The following CROCC variants were observed in gnomAD, a reference collection of about 807,000 sequenced individuals.
CROCC encodes ciliary rootlet coiled-coil, rootletin.
A neutral mutation model predicts 245.2 loss-of-function variants in CROCC; 180 were observed. The ratio of observed to expected loss-of-function variants is 0.73; its 90% confidence interval spans 0.65 to 0.83. The LOEUF (loss-of-function observed/expected upper bound fraction) is 0.83. Among genes scored for constraint, CROCC ranks in the 40% least tolerant of loss-of-function variants. The pLI, the probability that CROCC is intolerant of heterozygous loss-of-function variation, is 0.00. For synonymous variants in CROCC, 1,205 were observed against 1,241.6 expected (o/e 0.97, Z 0.62); for missense variants, 2,688 against 2,779.4 (o/e 0.97, Z 0.74).
chr1:16,967,210 G>A (rs2076432852), intron 30 of CROCC, among the ~76,000 whole-genome samples: 2 of 152,252 alleles, frequency 1.3e-5, no homozygotes, highest in South Asian at 2.1e-4. Flanking sequence ...TGGTACTCAG[G>A]GGGCCTCTGT....
rs774561655 is a variant in CROCC, at chr1:16,930,489, G to T, written c.744G>T (p.Ser248=). The T allele has an allele frequency of 2.5e-6, 4 of 1,612,378 alleles. No homozygotes were observed. The African/African-American group carries it at 4.0e-5, about 16-fold the overall frequency. ...GAGAACAGCTGGACCAGGCAGGCTC[G>T]GCCAACCAGGCTCTGAGTGAGGACA... ...MLREQLDQAG[S]ANQALSEDIR... is the part of the protein sequence containing the mutation. Residue 248 remains serine (S), a synonymous_variant, in exon 7 of 37, where the codon TCG becomes TCT. Coordinates refer to ENST00000375541, the MANE Select transcript of CROCC (RefSeq NM_014675.5).
At chr1:16,953,582 CCA>C (rs368736864) in intron 21 of CROCC, 101 bp downstream of exon 21, 213,118 of 1,148,712 alleles carry the variant, frequency 0.19, 20,907 homozygotes, top group African/African-American at 0.33. Context: ...CTGGGGCAGG[CCA>C]CTGCCCTCTT....
At position 16,946,788 on chromosome 1, in the gene CROCC, G is replaced by A; in HGVS notation, c.2311G>A (p.Gly771Ser). The A allele has an allele frequency of 6.4e-7, 1 of 1,552,052 alleles. No individual in the cohort carries two copies. The highest frequency in any genetic ancestry group is 1.7e-4 in the Middle Eastern group (1 of 5,990). ...QLEEEKSALQ[G>S]RQRQAEQEAT... The stretch of plus-strand genomic sequence containing the variant: ...GGAGGAAGAAAAGTCCGCCCTGCAG[G>A]GCCGGCAACGGCAGGCAGAGCAGGA... The change falls in exon 17 of 37, where the codon GGC becomes AGC. Residue 771 changes from glycine (G) to serine (S), a missense_variant. Physicochemically the swap from Gly to Ser is moderately conservative, Grantham distance 56 (BLOSUM62 0). This residue lies in a region of CROCC where 295 missense variants were observed against 241.7 expected (regional missense o/e 1.22). Coordinates refer to ENST00000375541, the MANE Select transcript of CROCC (RefSeq NM_014675.5).
rs1242266794 is a variant in CROCC at position 16,939,166 on chromosome 1, G to A, written c.1608+24G>A. 9.8e-6 allele frequency: 14 copies of A among 1,429,016 alleles called. No homozygotes were observed. In the South Asian group the frequency reaches 2.1e-4, roughly 21 times the overall value. The allele number at this position is 1,429,016 out of a possible 1,614,324, so 88.5% of individuals were successfully genotyped here. The stretch of plus-strand genomic sequence containing the variant: ...AGGTAGGAAGGGGCTTGAGCGTTCT[G>A]GGCGCAGCCAGAGGCCTGGGGGAGG... On this transcript the variant is annotated intron_variant, in intron 12 of 36. Transcript: ENST00000375541.
At chr1:16,931,247 C>T (rs1261757608) in intron 7 of CROCC, 44 bp from the exon 8 acceptor site, 33 of 1,547,776 alleles carry the variant, frequency 2.1e-5, no homozygotes, top group Non-Finnish European at 2.8e-5. Context: ...AGGGAGTAAA[C>T]CCGCTCTCAC....
intron 3 of CROCC, 94 bp from the exon 4 acceptor site, chr1:16,929,752 T>A (rs1378564284): frequency 9.0e-6 from 13 of 1,438,970 alleles, no homozygotes; most frequent in Non-Finnish European, 1.2e-5. Context: ...CTACAAGGCA[T>A]TGTGGGTCTG....
chr1:16,923,203 A>G (rs2100319583), intron 2 of CROCC, among the ~76,000 whole-genome samples: 1 of 152,340 alleles, frequency 6.6e-6, no homozygotes, highest in Admixed American at 6.5e-5. Flanking sequence ...CCACGTGGGC[A>G]GGAAGGCGGA....
intron 3 of CROCC, among the ~76,000 whole-genome samples, chr1:16,927,024 C>A (rs1346532239): frequency 1.3e-5 from 2 of 152,256 alleles, no homozygotes; most frequent in African/African-American, 4.8e-5. Flanking sequence ...ACGGCCTGAA[C>A]CCCTCTGTGT....
intron 17 of CROCC, among the ~76,000 whole-genome samples, chr1:16,947,863 G>T (rs571321598): frequency 2.6e-5 from 4 of 152,150 alleles, no homozygotes; most frequent in Non-Finnish European, 5.9e-5. Context: ...TTTCCAGACA[G>T]AGTCTTGCTC....
chr1:16,948,331 C>G lies in CROCC; in HGVS notation c.2515C>G (p.Leu839Val). 1 of 1,561,738 alleles carries G rather than the reference C, an allele frequency of 6.4e-7. No homozygotes were observed. Among genetic ancestry groups the G allele is most frequent in the Non-Finnish European group, 8.6e-7 (1 of 1,158,868 alleles). The change falls in exon 18 of 37, where the codon CTC becomes GTC. Residue 839 changes from leucine (L) to valine (V), a missense_variant and splice_region_variant. By Grantham distance (32) the Leu-to-Val change is conservative. Around this residue, in one of 9 missense-constraint regions of CROCC, gnomAD observed 295 missense variants for 241.7 expected, o/e 1.22. Coordinates refer to ENST00000375541, the MANE Select transcript of CROCC (RefSeq NM_014675.5). Reference sequence around the variant, plus strand: ...TACTCAGTCTCTGGGTGGGGGCCAGCTCTCCCGGCAGCTGAGCGGGCGGGA... The same window carrying G: ...TACTCAGTCTCTGGGTGGGGGCCAGGTCTCCCGGCAGCTGAGCGGGCGGGA... ...RSQLQEQLAQ[L>V]SRQLSGREQE...
At position 16,965,836 on chromosome 1, in the gene CROCC, G is replaced by C. The variant is rs774963084; in HGVS notation, c.4519G>C (p.Val1507Leu). The stretch of plus-strand genomic sequence containing the variant: ...CTCTCCAGACCTGGACCCGGAGGCA[G>C]TGCGCGGGGCCCTCCGGGAATTCCT... ...PASPDLDPEA[V>L]RGALREFLQE... Residue 1507 changes from valine to leucine, a missense_variant, in exon 28 of 37, where the codon GTG becomes CTG. This residue lies in a region of CROCC where 1,218 missense variants were observed against 1,286.3 expected (regional missense o/e 0.95). Coordinates refer to ENST00000375541, the MANE Select transcript of CROCC (RefSeq NM_014675.5). 1 of 1,613,746 alleles carries C rather than the reference G, an allele frequency of 6.2e-7. No homozygotes were observed. Among genetic ancestry groups the C allele is most frequent in the Non-Finnish European group, 8.5e-7 (1 of 1,180,030 alleles).
chr1:16,969,785 GAAC>G lies in CROCC; in HGVS notation c.5303_5305del (p.Glu1768_Arg1769delinsGly). On this transcript the variant is annotated inframe_deletion and splice_region_variant, in exon 33 of 37. Transcript: ENST00000375541. ...GGCACCATCAGCCCCTGTCCCCCAG[GAAC>G]GGCTGGATGCCGCCCGGCAGGCATT... is the stretch of plus-strand genomic sequence containing the variant. 1 of 1,612,148 alleles carries G rather than the reference GAAC, an allele frequency of 6.2e-7. No individual in the cohort carries two copies. The highest frequency in any genetic ancestry group is 1.7e-5 in the Admixed American group (1 of 59,828).
chr1:16,930,225 G>A lies in CROCC; in HGVS notation c.621+18G>A, dbSNP rs1161455124. ...GGCTGAGGGTGGGTGCCAGTGTGGGGCAGGGGCAGGCCCTGCCCTCCACCT... is the reference window on the plus strand; with the variant it reads ...GGCTGAGGGTGGGTGCCAGTGTGGGACAGGGGCAGGCCCTGCCCTCCACCT... On this transcript the variant is annotated intron_variant, in intron 5 of 36. Coordinates refer to ENST00000375541, the MANE Select transcript of CROCC (RefSeq NM_014675.5). The A allele has an allele frequency of 4.4e-6, 7 of 1,586,024 alleles. No homozygotes were observed. The African/African-American group carries it at 9.4e-5, about 21-fold the overall frequency.
chr1:16,946,460 G>C (rs2076049177), intron 16 of CROCC, 55 bp downstream of exon 16: 1 of 1,589,354 alleles, frequency 6.3e-7, no homozygotes, highest in East Asian at 2.2e-5. Flanking sequence ...TCCCCACTCA[G>C]TGAGGCACCC....
At chr1:16,963,396 AG>A (rs1405202305) in intron 27 of CROCC, among the ~76,000 whole-genome samples, 5 of 151,778 alleles carry the variant, frequency 3.3e-5, no homozygotes, top group Non-Finnish European at 4.4e-5. Context: ...AGCATCAAGC[AG>A]GGGGGTGAGA....
rs1367138948 is a variant in CROCC, at chr1:16,930,158, A to T, written c.572A>T (p.Glu191Val). 1 of 1,594,640 alleles carries T rather than the reference A, an allele frequency of 6.3e-7. No homozygotes were observed. Among genetic ancestry groups the T allele is most frequent in the African/African-American group, 1.3e-5 (1 of 74,532 alleles). ...LQYKKRCSEL[E>V]QQLLERSGEL... ...TACAAGAAGAGGTGCTCGGAGCTGG[A>T]GCAGCAGCTGCTGGAGAGATCCGGA... is the stretch of plus-strand genomic sequence containing the variant. Residue 191 changes from glutamate (E) to valine (V), a missense_variant, in exon 5 of 37, where the codon GAG becomes GTG. Glu to Val is a moderately radical substitution (Grantham distance 121, BLOSUM62 -2). Around this residue, in one of 9 missense-constraint regions of CROCC, gnomAD observed 972 missense variants for 895.3 expected, o/e 1.09. Coordinates refer to ENST00000375541, the MANE Select transcript of CROCC (RefSeq NM_014675.5).
chr1:16,955,615 AC>A, intron 24 of CROCC, 65 bp downstream of exon 24: 2 of 1,323,478 alleles, frequency 1.5e-6, no homozygotes, highest in South Asian at 1.5e-5. Context: ...ACCTAACTTC[AC>A]CCCCAACGTT....
intron 25 of CROCC, 21 bp downstream of exon 25, chr1:16,956,177 CTTAGCCTGGGGCTTGCTGT>C: frequency 1.3e-6 from 2 of 1,519,396 alleles, no homozygotes; most frequent in Non-Finnish European, 1.8e-6. Context: ...TGTGCCACCC[CTTAGCCTGGGGCTTGCTGT>C]GTGCCCCGGG....
upstream of CROCC, among the ~76,000 whole-genome samples, chr1:16,920,315 G>T (rs2075377396): frequency 6.6e-6 from 1 of 152,344 alleles, no homozygotes; most frequent in Admixed American, 6.5e-5. Flanking sequence ...TTGACCTCCT[G>T]ATCCGCCTGC....
Sources: gnomAD v4.1 joint callset for allele counts (sites outside exome capture counted in the v4.1 genomes callset) on GRCh38, gnomAD v4.1.1 for gene constraint, gnomAD v4.1.1 regional missense constraint, MANE v1.5 for transcripts, NCBI Gene and HGNC (gene_info 2026-07-23, HGNC 2026-07-21) for gene names.